The following C17orf67 variants were observed in gnomAD, a reference collection of about 807,000 sequenced individuals.
The protein encoded by C17orf67 is uncharacterized protein C17orf67.
In C17orf67, 12 loss-of-function variants were observed where a neutral mutation model predicts 11.2. The ratio of observed to expected loss-of-function variants is 1.07; its 90% CI spans 0.68 to 1.73. C17orf67 has a LOEUF of 1.73. C17orf67 is among the 40% of genes most tolerant of loss of function. The pLI is 0.00. For synonymous variants in C17orf67, 59 were observed against 46.9 expected, an observed-to-expected ratio of 1.26 and a Z score of -1.05; for missense variants, 115 against 113.5, an observed-to-expected ratio of 1.01 and a Z score of -0.06.
Position 56,833,327 on chromosome 17 carries a change from C to A in C17orf67, c.-986G>T. ...AGGACTCCAGCGGGGAGCGAGCATT[C>A]CTCCGGAACCTGGGGCTGGACGACA... On this transcript the variant is annotated 5_prime_UTR_variant, in exon 2 of 8. Coordinates refer to ENST00000397861, the MANE Select transcript of C17orf67 (RefSeq NM_001085430.4). 6.5e-6 allele frequency: 1 copy of A among 154,494 alleles called. No individual in the cohort carries two copies. The highest frequency in any genetic ancestry group is 1.8e-4 in the South Asian group (1 of 5,702). The allele number at this position is 154,494 out of a possible 1,614,324, so 9.6% of individuals were successfully genotyped here.
intron 4 of C17orf67, among the ~76,000 whole-genome samples, chr17:56,822,284 C>T (rs562536911): frequency 6.6e-6 from 1 of 152,268 alleles, no homozygotes; most frequent in South Asian, 2.1e-4. Context: ...TAATAATAGG[C>T]TCCTGCCAGA....
At chr17:56,830,434 T>A (rs1182589513) in intron 2 of C17orf67, among the ~76,000 whole-genome samples, 1 of 152,190 alleles carries the variant, frequency 6.6e-6, no homozygotes, top group African/African-American at 2.4e-5. Context: ...GAAATTTCTA[T>A]AATATTTAGA....
intron 5 of C17orf67, 117 bp downstream of exon 5, chr17:56,815,639 A>C: frequency 1.3e-6 from 1 of 749,684 alleles, no homozygotes; most frequent in Non-Finnish European, 1.8e-6. Flanking sequence ...GAAAAGAAAG[A>C]GCATTGAAAT....
intron 4 of C17orf67, among the ~76,000 whole-genome samples, chr17:56,819,514 G>A (rs1036917627): frequency 3.9e-5 from 6 of 152,068 alleles, no homozygotes; most frequent in African/African-American, 7.2e-5. Flanking sequence ...GCAACCTCTG[G>A]TGGACTGAGG....
intron 6 of C17orf67, among the ~76,000 whole-genome samples, chr17:56,799,674 C>T (rs1043346424): frequency 6.6e-6 from 1 of 152,174 alleles, no homozygotes; most frequent in African/African-American, 2.4e-5. Flanking sequence ...AGTAGCTGCA[C>T]CATTTTGCAT....
chr17:56,811,937 C>T (rs1043557695), intron 6 of C17orf67, among the ~76,000 whole-genome samples: 3 of 152,202 alleles, frequency 2.0e-5, no homozygotes, highest in African/African-American at 7.2e-5. Flanking sequence ...TTCTCAGCCT[C>T]GGCTGCAGGT....
At chr17:56,818,850 A>G (rs1483614632) in intron 4 of C17orf67, among the ~76,000 whole-genome samples, 2 of 152,166 alleles carry the variant, frequency 1.3e-5, no homozygotes, top group South Asian at 2.1e-4. Flanking sequence ...TAGTGCTACC[A>G]TATTAGACAA....
intron 2 of C17orf67, among the ~76,000 whole-genome samples, chr17:56,829,604 C>T (rs968550424): frequency 6.6e-6 from 1 of 152,166 alleles, no homozygotes; most frequent in African/African-American, 2.4e-5. Flanking sequence ...TGACTCCATC[C>T]GAGGGTCCCT....
At chr17:56,821,611 C>G (rs1463000469) in intron 4 of C17orf67, among the ~76,000 whole-genome samples, 2 of 152,172 alleles carry the variant, frequency 1.3e-5, no homozygotes, top group Non-Finnish European at 1.5e-5. Context: ...TATGCAGCAG[C>G]AATGATGATC....
intron 6 of C17orf67, among the ~76,000 whole-genome samples, chr17:56,814,099 A>T (rs887974676): frequency 1.3e-5 from 2 of 152,208 alleles, no homozygotes; most frequent in Non-Finnish European, 2.9e-5. Flanking sequence ...GAGCCTCAAC[A>T]TGGAGATTCA....
chr17:56,832,733 A>G (rs1400293418), intron 2 of C17orf67, among the ~76,000 whole-genome samples, 165 bp downstream of exon 2: 2 of 152,220 alleles, frequency 1.3e-5, no homozygotes, highest in Non-Finnish European at 2.9e-5. Flanking sequence ...CACAAAGTTC[A>G]GTTCCGTTCA....
intron 6 of C17orf67, among the ~76,000 whole-genome samples, chr17:56,802,022 G>A (rs1310107267): frequency 1.3e-5 from 2 of 152,190 alleles, no homozygotes; most frequent in East Asian, 3.8e-4. Flanking sequence ...GCAAGATGGG[G>A]ATTGCACTAG....
chr17:56,793,143 C>A (rs1597984782), intron 7 of C17orf67, among the ~76,000 whole-genome samples: 1 of 151,912 alleles, frequency 6.6e-6, no homozygotes, highest in African/African-American at 2.4e-5. Context: ...TGTGCCAGGG[C>A]AACACTAACT....
chr17:56,815,561 G>T (rs1905738935), intron 5 of C17orf67, among the ~76,000 whole-genome samples, 195 bp downstream of exon 5: 1 of 151,806 alleles, frequency 6.6e-6, no homozygotes, highest in African/African-American at 2.4e-5. Context: ...TACATTTAAA[G>T]ATTTTTAAAA....
intron 6 of C17orf67, among the ~76,000 whole-genome samples, chr17:56,813,074 G>A (rs1175223238): frequency 1.3e-5 from 2 of 152,148 alleles, no homozygotes; most frequent in South Asian, 2.1e-4. Context: ...GCTGCCTCTC[G>A]AGCACCTTGA....
intron 4 of C17orf67, among the ~76,000 whole-genome samples, chr17:56,822,821 T>C (rs371416185): frequency 6.6e-6 from 1 of 152,248 alleles, no homozygotes; most frequent in South Asian, 2.1e-4. Context: ...TCAGCACTTC[T>C]ACAGGCATAC....
intron 7 of C17orf67, among the ~76,000 whole-genome samples, chr17:56,793,852 C>A (rs1220436078): frequency 2.0e-5 from 3 of 152,184 alleles, no homozygotes; most frequent in Non-Finnish European, 4.4e-5. Flanking sequence ...AGAACCCTGA[C>A]CTAGAATAGA....
intron 6 of C17orf67, among the ~76,000 whole-genome samples, chr17:56,798,754 G>A (rs1055265577): frequency 2.0e-5 from 3 of 152,268 alleles, no homozygotes; most frequent in African/African-American, 7.2e-5. Context: ...GATCTCTTGA[G>A]CCCAGGAGGT....
chr17:56,825,893 T>C (rs902520080), intron 2 of C17orf67, among the ~76,000 whole-genome samples: 4 of 152,104 alleles, frequency 2.6e-5, no homozygotes, highest in African/African-American at 4.8e-5. Flanking sequence ...ATTCTTTTCT[T>C]CCTTTTTACT....
Sources: gnomAD v4.1 joint callset for allele counts (sites outside exome capture counted in the v4.1 genomes callset) on GRCh38, gnomAD v4.1.1 for gene constraint, MANE v1.5 for transcripts, NCBI Gene and HGNC (gene_info 2026-07-23, HGNC 2026-07-21) for gene names.